Variants in SEC31A observed in about 807,000 individuals in gnomAD.
SEC31A encodes the protein protein transport protein Sec31A.
SEC31A carries 70 observed loss-of-function variants against 151.0 expected under a neutral mutation model. That is an observed-to-expected ratio of 0.46 (90% CI 0.38 to 0.57). The LOEUF is 0.57. Among genes scored for constraint, SEC31A ranks in the 20% least tolerant of loss-of-function variants. The pLI, the probability that SEC31A is intolerant of heterozygous loss-of-function variation, is 0.00. For missense variants in SEC31A, 1,330 were observed against 1,471.2 expected (o/e 0.90, Z 1.57); for synonymous variants, 475 against 505.9 (o/e 0.94, Z 0.82).
At chr4:82,853,888 G>C (rs2149382835) in intron 17 of SEC31A, among the ~76,000 whole-genome samples, 173 bp from the exon 18 acceptor site, 1 of 152,174 alleles carries the variant, frequency 6.6e-6, no homozygotes, top group Admixed American at 6.5e-5. Flanking sequence ...TTAAATGAAT[G>C]GGAATGAAAA....
chr4:82,857,866 ACATACCAAGTTATTCC>A, intron 14 of SEC31A, 102 bp from the exon 15 acceptor site: 1 of 692,780 alleles, frequency 1.4e-6, no homozygotes, highest in Non-Finnish European at 2.5e-6. Flanking sequence ...AGAGTAGATG[ACATACCAAGTTATTCC>A]AGAAAAGTTC....
intron 1 of SEC31A, among the ~76,000 whole-genome samples, chr4:82,890,129 G>A (rs914983403): frequency 6.7e-6 from 1 of 148,854 alleles, no homozygotes; most frequent in African/African-American, 2.5e-5. Context: ...TCAGGAGGCT[G>A]AGACGGAGGT....
Position 82,845,352 on chromosome 4 carries a change from GA to G in SEC31A, c.2503-844del, listed in dbSNP as rs1367405627. On this transcript the variant is annotated intron_variant, in intron 20 of 26. Coordinates refer to ENST00000395310, the MANE Select transcript of SEC31A (RefSeq NM_001077207.4). ...ATAAAAAATGAAAACGTTAAAAGAAGAAAAAAACCCCAAAAGGTATTAATAG... is the reference window on the plus strand; with the variant it reads ...ATAAAAAATGAAAACGTTAAAAGAAGAAAAAACCCCAAAAGGTATTAATAG... The G allele has an allele frequency of 1.8e-5, 18 of 995,636 alleles. No individual in the cohort carries two copies. The Admixed American group carries it at 2.4e-4, about 13-fold the overall frequency. The allele number at this position is 995,636 out of a possible 1,614,324, so 61.7% of individuals were successfully genotyped here.
At chr4:82,859,398 G>A (rs1733546494) in intron 14 of SEC31A, among the ~76,000 whole-genome samples, 5 of 152,108 alleles carry the variant, frequency 3.3e-5, no homozygotes. Flanking sequence ...TCTCTCCCAT[G>A]CATAAAAATT....
intron 8 of SEC31A, among the ~76,000 whole-genome samples, chr4:82,868,627 C>T (rs1435080164): frequency 6.6e-6 from 1 of 152,118 alleles, no homozygotes; most frequent in Admixed American, 6.6e-5. Context: ...CTCACAGAAG[C>T]AACATCTTAG....
rs759961158 is a variant in SEC31A, at chr4:82,867,179, A to G, written c.1020T>C (p.Gly340=). 15 of 1,613,808 alleles carry G rather than the reference A, an allele frequency of 9.3e-6. No individual in the cohort carries two copies. Among genetic ancestry groups the G allele is most frequent in the Non-Finnish European group, 1.2e-5 (14 of 1,179,844 alleles). Residue 340 remains glycine (G), a synonymous_variant, in exon 9 of 27, where the codon GGT becomes GGC. Coordinates refer to ENST00000395310, the MANE Select transcript of SEC31A (RefSeq NM_001077207.4). ...VYSIMGGSTD[G]LRQKQVDKLS... The stretch of plus-strand genomic sequence containing the variant: ...CCTTGTCAACTTGTTTCTGTCTTAA[A>G]CCATCTGTGCTACCTCCCATGATAG...
chr4:82,842,711 A>T (rs1290975309), intron 21 of SEC31A: 9 of 464,422 alleles, frequency 1.9e-5, no homozygotes, highest in Non-Finnish European at 3.5e-5. Context: ...GCCTCTGGTT[A>T]TGAAAATATT....
intron 22 of SEC31A, among the ~76,000 whole-genome samples, chr4:82,835,796 G>C (rs924316820): frequency 1.3e-5 from 2 of 151,836 alleles, no homozygotes; most frequent in African/African-American, 4.8e-5. Flanking sequence ...CAAAAAAAAA[G>C]GAAAAAGTAA....
At position 82,842,190 on chromosome 4, in the gene SEC31A, G is replaced by A. The variant is rs781685686; in HGVS notation, c.2918C>T (p.Thr973Ile). Residue 973 changes from threonine (T) to isoleucine (I), a missense_variant, in exon 22 of 27, where the codon ACA becomes ATA. Physicochemically the swap from Thr to Ile is moderately conservative, Grantham distance 89 (BLOSUM62 -1). Transcript: ENST00000395310. ...ACTGGCAGCAGGCAGTGTACCTGTT[G>A]TTCCAGGAGGCAGTGCATAAGCTGA... ...SSSAYALPPG[T>I]TGTLPAASEL... is the part of the protein sequence containing the mutation. The A allele has an allele frequency of 6.9e-6, 11 of 1,597,952 alleles. No individual in the cohort carries two copies. Among genetic ancestry groups the A allele is most frequent in the Non-Finnish European group, 8.5e-6 (10 of 1,170,320 alleles).
At chr4:82,851,403 C>T (rs979490504) in intron 19 of SEC31A, 28 bp downstream of exon 19, 2 of 1,589,772 alleles carry the variant, frequency 1.3e-6, no homozygotes, top group Non-Finnish European at 1.7e-6. Context: ...CTTACTCAAA[C>T]ATTACAAAAA....
rs1366637546 is a variant in SEC31A, at chr4:82,872,058, G to C, written c.668C>G (p.Pro223Arg). Residue 223 changes from proline to arginine, a missense_variant, in exon 7 of 27, where the codon CCT becomes CGT. By Grantham distance (103) the Pro-to-Arg change is moderately radical. Transcript: ENST00000395310. The part of the protein sequence containing the change: ...RMHCSGLAWH[P>R]DVATQMVLAS... ...AAGGACCATCTGAGTAGCAACATCAGGATGCCATGCCAACCCAGAACAATG... is the reference window on the plus strand; with the variant it reads ...AAGGACCATCTGAGTAGCAACATCACGATGCCATGCCAACCCAGAACAATG... 1 of 1,613,998 alleles carries C rather than the reference G, an allele frequency of 6.2e-7. No individual in the cohort carries two copies. Among genetic ancestry groups the C allele is most frequent in the Non-Finnish European group, 8.5e-7 (1 of 1,179,926 alleles).
intron 7 of SEC31A, chr4:82,871,684 A>G (rs1369063823): frequency 1.9e-6 from 1 of 528,364 alleles, no homozygotes; most frequent in African/African-American, 1.9e-5. Context: ...TTATAAAACT[A>G]TAAAAATTTC....
chr4:82,882,374 C>T (rs2125856493), intron 1 of SEC31A, among the ~76,000 whole-genome samples: 1 of 124,600 alleles, frequency 8.0e-6, no homozygotes, highest in East Asian at 2.8e-4. Context: ...TGCATGCCAA[C>T]CTGGGCGAGA....
rs755744058 is a variant in SEC31A, at chr4:82,864,405, G to C, written c.1391C>G (p.Ala464Gly). The C allele has an allele frequency of 8.7e-6, 14 of 1,613,942 alleles. No individual in the cohort carries two copies. The highest frequency in any genetic ancestry group is 1.2e-5 in the Non-Finnish European group (14 of 1,179,928). The change falls in exon 11 of 27, where the codon GCT (alanine) becomes GGT (glycine). Residue 464 changes from alanine (A) to glycine (G), a missense_variant. Ala to Gly is a moderately conservative substitution (Grantham distance 60). Transcript: ENST00000395310. ...FINYCQKKID[A>G]SQTEFEKNVW... ...ATTTTTCTCAAATTCAGTCTGAGAAGCATCAATTTTTTTTTGGCAATAATT... is the reference window on the plus strand; with the variant it reads ...ATTTTTCTCAAATTCAGTCTGAGAACCATCAATTTTTTTTTGGCAATAATT...
At chr4:82,869,472 C>T (rs1736174345) in intron 8 of SEC31A, among the ~76,000 whole-genome samples, 1 of 152,022 alleles carries the variant, frequency 6.6e-6, no homozygotes, top group Non-Finnish European at 1.5e-5. Context: ...CTAAAAGTCT[C>T]TTCCTTCAAA....
upstream of SEC31A, chr4:82,894,532 TGTTG>T (rs766717010): frequency 6.6e-6 from 1 of 152,242 alleles, no homozygotes; most frequent in Non-Finnish European, 1.5e-5. Context: ...TGCTGTTAAT[TGTTG>T]GTTTTCTTCA....
chr4:82,829,930 G>A (rs1023657185), intron 22 of SEC31A, among the ~76,000 whole-genome samples: 1 of 152,192 alleles, frequency 6.6e-6, no homozygotes, highest in Non-Finnish European at 1.5e-5. Context: ...TTCACTAAGT[G>A]TGAGTTTTGA....
intron 1 of SEC31A, among the ~76,000 whole-genome samples, chr4:82,884,604 G>C (rs1212789840): frequency 6.6e-6 from 1 of 152,154 alleles, no homozygotes; most frequent in African/African-American, 2.4e-5. Context: ...CTCACTCTAG[G>C]TGTTGTATAT....
chr4:82,880,615 A>T (rs1037424579), intron 3 of SEC31A, 184 bp downstream of exon 3: 34 of 492,446 alleles, frequency 6.9e-5, no homozygotes, highest in Non-Finnish European at 1.0e-4. Flanking sequence ...AAAAAAAGTC[A>T]ATAGAACACA....
Sources: gnomAD v4.1 joint callset for allele counts (sites outside exome capture counted in the v4.1 genomes callset) on GRCh38, gnomAD v4.1.1 for gene constraint, MANE v1.5 for transcripts, NCBI Gene and HGNC (gene_info 2026-07-23, HGNC 2026-07-21) for gene names.